Variants in ZPBP observed in about 807,000 individuals in gnomAD.
The protein encoded by ZPBP is zona pellucida-binding protein 1.
ZPBP carries 26 observed loss-of-function variants against 44.8 expected under a neutral mutation model. The ratio of observed to expected loss-of-function variants is 0.58; its 90% confidence interval spans 0.43 to 0.81. The LOEUF (loss-of-function observed/expected upper bound fraction) is 0.81. Ranked by LOEUF, ZPBP falls within the 30% of genes least tolerant of loss-of-function variation. ZPBP has a pLI of 0.00. For synonymous variants in ZPBP, 174 were observed against 153.2 expected, an observed-to-expected ratio of 1.14 and a Z score of -1.00; for missense variants, 409 against 434.0, an observed-to-expected ratio of 0.94 and a Z score of 0.51.
At chr7:49,856,981 A>G (rs920839044) in intron 2 of ZPBP, among the ~76,000 whole-genome samples, 1 of 125,348 alleles carries the variant, frequency 8.0e-6, no homozygotes, top group Non-Finnish European at 1.6e-5. Flanking sequence ...CTGCACTCCA[A>G]CCTGGGTGAC....
intron 1 of ZPBP, chr7:49,901,261 A>T (rs1792707603): frequency 6.6e-6 from 1 of 151,920 alleles, no homozygotes; most frequent in Non-Finnish European, 1.5e-5. Context: ...CTGATAGGGA[A>T]AGAAGAAATA....
At chr7:50,059,532 C>G (rs1029557047) in intron 3 of ZPBP, among the ~76,000 whole-genome samples, 1 of 152,038 alleles carries the variant, frequency 6.6e-6, no homozygotes, top group African/African-American at 2.4e-5. Flanking sequence ...TCCTAACATG[C>G]CAAGTCTTTT....
chr7:50,070,733 G>A (rs769906560), intron 3 of ZPBP, among the ~76,000 whole-genome samples: 18 of 152,168 alleles, frequency 1.2e-4, no homozygotes, highest in Admixed American at 9.2e-4. Context: ...TTTGTGGGGT[G>A]GGGGAGATCT....
rs1792996252 is a variant in ZPBP, at chr7:49,904,777, C to T, written n.412-3562G>A. ...TTGAGATGGAGTATCACTCTGTCGCCCAGGTTGGAGTGCAGTGGCGCGATC... is the reference window on the plus strand; with the variant it reads ...TTGAGATGGAGTATCACTCTGTCGCTCAGGTTGGAGTGCAGTGGCGCGATC... On this transcript the variant is annotated intron_variant and non_coding_transcript_variant, in intron 1 of 2. Coordinates refer to the ZPBP transcript ENST00000465922. 6.0e-5 allele frequency among the ~76,000 whole-genome samples: 9 copies of T among 150,298 alleles called. 1 individual carries two copies. In the South Asian group the frequency reaches 1.9e-3, roughly 32 times the overall value.
At chr7:49,977,836 T>TATATTAATTAATTAATTA (rs1323122110) in intron 7 of ZPBP, among the ~76,000 whole-genome samples, 2 of 152,308 alleles carry the variant, frequency 1.3e-5, no homozygotes, top group East Asian at 3.9e-4. Context: ...TGTGTTGCCT[T>TATATTAATTAATTAATTA]ATCAACATTA....
intron 2 of ZPBP, among the ~76,000 whole-genome samples, chr7:49,895,899 T>G (rs1003112132): frequency 6.6e-6 from 1 of 152,164 alleles, no homozygotes; most frequent in Non-Finnish European, 1.5e-5. Context: ...AATAGTAGAA[T>G]CCATTTGTAT....
chr7:49,853,105 G>T (rs1164614796), intron 2 of ZPBP, among the ~76,000 whole-genome samples: 1 of 152,232 alleles, frequency 6.6e-6, no homozygotes, highest in Non-Finnish European at 1.5e-5. Context: ...CTGAAGGCAG[G>T]CTCCCAGGCT....
At chr7:49,851,041 T>C (rs1242358075) in intron 2 of ZPBP, among the ~76,000 whole-genome samples, 1 of 152,168 alleles carries the variant, frequency 6.6e-6, no homozygotes, top group African/African-American at 2.4e-5. Context: ...CTAAAGTAGA[T>C]CAAGGTCCCA....
chr7:50,020,270 T>G (rs1266856305), intron 5 of ZPBP, among the ~76,000 whole-genome samples: 2 of 152,082 alleles, frequency 1.3e-5, no homozygotes, highest in African/African-American at 4.8e-5. Context: ...TTTTGAATCT[T>G]TATACAAGTT....
intron 1 of ZPBP, among the ~76,000 whole-genome samples, chr7:49,907,627 G>A (rs1250665631): frequency 6.6e-6 from 1 of 152,130 alleles, no homozygotes; most frequent in Non-Finnish European, 1.5e-5. Flanking sequence ...AGGTGATTGG[G>A]ACACAGCTTG....
intron 6 of ZPBP, among the ~76,000 whole-genome samples, chr7:49,993,240 C>T (rs908265914): frequency 3.3e-5 from 5 of 151,800 alleles, no homozygotes; most frequent in Non-Finnish European, 7.4e-5. Context: ...AAAATCAATC[C>T]ATATAGAATA....
At chr7:49,892,132 C>T (rs958866930) in intron 2 of ZPBP, among the ~76,000 whole-genome samples, 16 of 147,060 alleles carry the variant, frequency 1.1e-4, no homozygotes, top group Non-Finnish European at 2.1e-4. Flanking sequence ...GCAAGCTCCG[C>T]CTCCCGGGTT....
intron 7 of ZPBP, among the ~76,000 whole-genome samples, chr7:49,954,146 C>A (rs1389421371): frequency 6.6e-6 from 1 of 152,052 alleles, no homozygotes; most frequent in Non-Finnish European, 1.5e-5. Context: ...CGCATATATC[C>A]ATGACCAGCT....
chr7:49,966,290 T>C (rs1308311671), intron 7 of ZPBP, among the ~76,000 whole-genome samples: 1 of 152,138 alleles, frequency 6.6e-6, no homozygotes, highest in African/African-American at 2.4e-5. Flanking sequence ...CTATATTTGC[T>C]GAACTCTCCT....
intron 7 of ZPBP, among the ~76,000 whole-genome samples, chr7:49,972,321 TC>T (rs1170804085): frequency 6.6e-6 from 1 of 151,984 alleles, no homozygotes; most frequent in African/African-American, 2.4e-5. Context: ...GATGACATTA[TC>T]TTTTTTGTAT....
At chr7:49,913,603 T>C (rs1181125871) in intron 1 of ZPBP, 1 of 152,178 alleles carries the variant, frequency 6.6e-6, no homozygotes, top group Non-Finnish European at 1.5e-5. Flanking sequence ...TACAAAGCAT[T>C]GACAACAAGG....
At chr7:49,889,860 A>G (rs530489553) in intron 2 of ZPBP, among the ~76,000 whole-genome samples, 2 of 152,336 alleles carry the variant, frequency 1.3e-5, no homozygotes, top group Admixed American at 1.3e-4. Flanking sequence ...CACGCTTGCA[A>G]TTCTGAAATA....
At chr7:49,989,894 C>T (rs952822070) in intron 6 of ZPBP, among the ~76,000 whole-genome samples, 4 of 152,104 alleles carry the variant, frequency 2.6e-5, no homozygotes, top group Non-Finnish European at 4.4e-5. Context: ...AAGTCAAGAC[C>T]CATCACCCAA....
At chr7:50,084,350 C>CAA (rs35709176) in intron 2 of ZPBP, among the ~76,000 whole-genome samples, 6,811 of 124,240 alleles carry the variant, frequency 0.055, 188 homozygotes, top group Middle Eastern at 0.086. Context: ...GAACATGTAC[C>CAA]AAAAAAAAAA....
Sources: gnomAD v4.1 joint callset for allele counts (sites outside exome capture counted in the v4.1 genomes callset) on GRCh38, gnomAD v4.1.1 for gene constraint, MANE v1.5 for transcripts, NCBI Gene and HGNC (gene_info 2026-07-23, HGNC 2026-07-21) for gene names.